CFAP70: variants seen among roughly 807,000 people sequenced by gnomAD.
CFAP70 encodes the protein cilia and flagella associated protein 70, also known as cilia- and flagella-associated protein 70.
Under a neutral mutation model 137.6 loss-of-function variants are expected in CFAP70, and 81 were observed. The ratio of observed to expected loss-of-function variants is 0.59; its 90% CI spans 0.49 to 0.71. CFAP70 has a LOEUF of 0.71. Among genes scored for constraint, CFAP70 ranks in the 30% least tolerant of loss-of-function variants. The pLI, the probability that CFAP70 is intolerant of heterozygous loss-of-function variation, is 0.00. For missense variants in CFAP70, 976 were observed against 1,226.7 expected, an observed-to-expected ratio of 0.80 and a Z score of 3.05; for synonymous variants, 382 against 423.6, an observed-to-expected ratio of 0.90 and a Z score of 1.20.
At chr10:73,306,866 G>A (rs1005994323) in intron 12 of CFAP70, among the ~76,000 whole-genome samples, 4 of 152,174 alleles carry the variant, frequency 2.6e-5, no homozygotes, top group African/African-American at 4.8e-5. Flanking sequence ...AGGCTGAAAT[G>A]ACAGGACACT....
In CFAP70 at chr10:73,325,837, C is replaced by G. The variant is rs545510988; in HGVS notation, c.778-2740G>C. On this transcript the variant is annotated intron_variant, in intron 8 of 26. Coordinates refer to ENST00000310715, the Ensembl canonical transcript of CFAP70. ...TACAGGAGCACCCACATTCATAAAG[C>G]AAGTCCTGAGTGACCTACAAAGAGA... Among the ~76,000 whole-genome samples the G allele has an allele frequency of 2.0e-5, 3 of 152,246 alleles. No individual in the cohort carries two copies. In the East Asian group the frequency reaches 5.8e-4, roughly 29 times the overall value.
At chr10:73,327,682 T>C (rs2051607769) in intron 8 of CFAP70, among the ~76,000 whole-genome samples, 3 of 152,196 alleles carry the variant, frequency 2.0e-5, no homozygotes, top group African/African-American at 7.2e-5. Flanking sequence ...CAAGCATTCT[T>C]ATACACCAAT....
chr10:73,260,561 T>A (rs2045060489), intron 25 of CFAP70, among the ~76,000 whole-genome samples: 1 of 152,196 alleles, frequency 6.6e-6, no homozygotes, highest in Non-Finnish European at 1.5e-5. Context: ...AACGTTATGT[T>A]GTGCAAGCAT....
At chr10:73,360,590 T>A (rs554377526), upstream of CFAP70, among the ~76,000 whole-genome samples, 90 of 152,334 alleles carry the variant, frequency 5.9e-4, no homozygotes, top group Admixed American at 5.9e-4. Context: ...AGTCAAATTT[T>A]AAAATTTTTA....
chr10:73,358,664 G>A (rs567599302), intron 1 of CFAP70, 114 bp downstream of exon 1: 1 of 152,630 alleles, frequency 6.6e-6, no homozygotes, highest in African/African-American at 2.4e-5. Context: ...CAGGGCTGAG[G>A]TGGGGAGGCC....
At chr10:73,269,956 AT>A (rs2046110607) in intron 24 of CFAP70, among the ~76,000 whole-genome samples, 1 of 152,200 alleles carries the variant, frequency 6.6e-6, no homozygotes, top group Non-Finnish European at 1.5e-5. Context: ...CTCTTAACTT[AT>A]ACCCCTTTCT....
intron 6 of CFAP70, among the ~76,000 whole-genome samples, chr10:73,337,837 C>T (rs918925927): frequency 3.3e-5 from 5 of 151,898 alleles, no homozygotes; most frequent in East Asian, 1.9e-4. Context: ...ACCCAGGAAG[C>T]GCAGGTTGCA....
At chr10:73,329,257 G>A (rs2051816038) in intron 8 of CFAP70, among the ~76,000 whole-genome samples, 5 of 151,928 alleles carry the variant, frequency 3.3e-5, no homozygotes, top group Admixed American at 2.0e-4. Context: ...ACCAAACACC[G>A]CATGTTCTCA....
At chr10:73,255,804 C>G (rs538632827) in intron 26 of CFAP70, among the ~76,000 whole-genome samples, 3 of 152,118 alleles carry the variant, frequency 2.0e-5, no homozygotes, top group Non-Finnish European at 4.4e-5. Context: ...CTCAGCCTCC[C>G]AAAGTGCTGG....
At chr10:73,293,625 A>C (rs2048332257) in intron 15 of CFAP70, 2 of 357,810 alleles carry the variant, frequency 5.6e-6, no homozygotes, top group Admixed American at 8.7e-5. Context: ...CATGGAAGTA[A>C]GTAAAAATTG....
intron 3 of CFAP70, among the ~76,000 whole-genome samples, chr10:73,351,069 G>GTATATATATATATA (rs1367174993): frequency 1.6e-4 from 8 of 50,552 alleles, no homozygotes; most frequent in Non-Finnish European, 1.8e-4. Flanking sequence ...GTGTGTGTGT[G>GTATATATATATATA]TGTATATATA....
chr10:73,347,722 T>C (rs899955442), intron 4 of CFAP70, among the ~76,000 whole-genome samples: 7 of 152,188 alleles, frequency 4.6e-5, no homozygotes, highest in African/African-American at 1.7e-4. Flanking sequence ...TCTGATATTC[T>C]AGAACTCCAG....
intron 5 of CFAP70, among the ~76,000 whole-genome samples, chr10:73,342,665 G>A (rs370649530): frequency 2.0e-5 from 3 of 152,040 alleles, no homozygotes; most frequent in Non-Finnish European, 2.9e-5. Flanking sequence ...CAACACTATA[G>A]CAAACTAAAG....
At chr10:73,347,474 G>A (rs2053810500) in intron 4 of CFAP70, among the ~76,000 whole-genome samples, 1 of 152,252 alleles carries the variant, frequency 6.6e-6, no homozygotes, top group African/African-American at 2.4e-5. Flanking sequence ...GGTGGGATTT[G>A]GTGAAAGGCA....
intron 5 of CFAP70, 107 bp from the exon 7 acceptor site, chr10:73,341,688 T>A: frequency 1.1e-6 from 1 of 924,780 alleles, no homozygotes; most frequent in African/African-American, 1.7e-5. Flanking sequence ...TTATCAAACA[T>A]ACCCCTCTAC....
intron 10 of CFAP70, among the ~76,000 whole-genome samples, chr10:73,312,164 A>C (rs961556066): frequency 1.3e-5 from 2 of 152,148 alleles, no homozygotes; most frequent in Non-Finnish European, 2.9e-5. Context: ...ACATGGACAC[A>C]GGGAGGGGAA....
At chr10:73,271,198 C>A (rs1445503110) in intron 24 of CFAP70, among the ~76,000 whole-genome samples, 1 of 152,046 alleles carries the variant, frequency 6.6e-6, no homozygotes, top group Non-Finnish European at 1.5e-5. Context: ...CCTCAAAGGG[C>A]TCACTGACAG....
chr10:73,343,204 C>T (rs1372489612), intron 5 of CFAP70, among the ~76,000 whole-genome samples: 3 of 134,986 alleles, frequency 2.2e-5, no homozygotes, highest in African/African-American at 6.0e-5. Context: ...AGCGAGATTC[C>T]GTCTCAAAAA....
intron 18 of CFAP70, 84 bp downstream of exon 19, chr10:73,291,556 G>T: frequency 6.8e-7 from 1 of 1,479,144 alleles, no homozygotes; most frequent in Non-Finnish European, 9.3e-7. Flanking sequence ...AGAACTACAT[G>T]ATGAGCCATT....
Sources: gnomAD v4.1 joint callset for allele counts (sites outside exome capture counted in the v4.1 genomes callset) on GRCh38, gnomAD v4.1.1 for gene constraint, MANE v1.5 for transcripts, NCBI Gene and HGNC (gene_info 2026-07-23, HGNC 2026-07-21) for gene names.